The following ABCA9 variants were observed in gnomAD, a reference collection of about 807,000 sequenced individuals.
ABCA9 encodes ATP binding cassette subfamily A member 9.
A neutral mutation model predicts 205.3 loss-of-function variants in ABCA9; 183 were observed. The observed-to-expected ratio is 0.89, with a 90% confidence interval of 0.79 to 1.01. The LOEUF is 1.01. Among genes scored for constraint, ABCA9 ranks in the 50% least tolerant of loss-of-function variants. The probability of loss-of-function intolerance (pLI) is 0.00; values close to 1 mark genes in which losing one functional copy is unlikely to be tolerated. For synonymous variants in ABCA9, 651 were observed against 683.3 expected, an observed-to-expected ratio of 0.95 and a Z score of 0.74; for missense variants, 1,805 against 1,912.4, an observed-to-expected ratio of 0.94 and a Z score of 1.05.
the ABCA9 span, among the ~76,000 whole-genome samples, chr17:69,077,952 T>A: frequency 6.6e-6 from 1 of 152,166 alleles, no homozygotes; most frequent in Admixed American, 6.5e-5. Flanking sequence ...CATACACTTA[T>A]ATAAGGGAGA....
At chr17:69,041,856 T>A (rs746914416) in intron 6 of ABCA9, among the ~76,000 whole-genome samples, 6 of 152,154 alleles carry the variant, frequency 3.9e-5, no homozygotes, top group Non-Finnish European at 8.8e-5. Flanking sequence ...AAGTAATTCA[T>A]CTTCTCCACT....
chr17:68,976,180 A>T lies in ABCA9; in HGVS notation c.4731T>A (p.Ser1577Arg). Residue 1577 changes from serine to arginine, a missense_variant, in exon 38 of 39, where the codon AGT (serine) becomes AGA (arginine). By Grantham distance (110) the Ser-to-Arg change is moderately radical. Transcript: ENST00000340001. ...AFFKLEIVKQ[S>R]FDLEEYSLSQ... ...AGAGGCTGTACTCCTCCAGGTCGAA[A>T]CTCTGTTTAACTGCATAAGAATGAG... The T allele has an allele frequency of 6.2e-7, 1 of 1,613,872 alleles. No individual in the cohort carries two copies.
intron 31 of ABCA9, 85 bp downstream of exon 31, chr17:68,988,942 T>TA (rs1479452002): frequency 2.5e-6 from 2 of 802,088 alleles, no homozygotes; most frequent in Non-Finnish European, 4.2e-6. Flanking sequence ...ACTAAGTGAT[T>TA]ATGGATCAAC....
chr17:69,020,777 A>G, intron 18 of ABCA9, 191 bp from the exon 19 acceptor site: 1 of 511,164 alleles, frequency 2.0e-6, no homozygotes, highest in South Asian at 3.2e-5. Context: ...TGATATAATA[A>G]AAGAAAATCT....
the ABCA9 span, among the ~76,000 whole-genome samples, chr17:69,069,394 C>T: frequency 6.6e-6 from 1 of 152,250 alleles, no homozygotes; most frequent in East Asian, 1.9e-4. Flanking sequence ...GGGGAAGAAA[C>T]AGGTGAGTGT....
chr17:69,067,738 A>G, the ABCA9 span, among the ~76,000 whole-genome samples: 2 of 152,236 alleles, frequency 1.3e-5, no homozygotes, highest in African/African-American at 4.8e-5. Context: ...CTAACTAGTA[A>G]GCCTGGGCTC....
At chr17:69,051,279 A>G in intron 1 of ABCA9, 140 bp from the exon 2 acceptor site, 1 of 654,746 alleles carries the variant, frequency 1.5e-6, no homozygotes, top group Non-Finnish European at 2.5e-6. Flanking sequence ...AGGCTAAAAT[A>G]AAAACATGTG....
chr17:69,042,399 G>C (rs2071574864), intron 6 of ABCA9: 1 of 152,214 alleles, frequency 6.6e-6, no homozygotes, highest in Non-Finnish European at 1.5e-5. Context: ...ACTGAATGCT[G>C]AGATGGAGAC....
intron 7 of ABCA9, 51 bp from the exon 8 acceptor site, chr17:69,035,482 G>A: frequency 1.4e-6 from 2 of 1,442,278 alleles, no homozygotes; most frequent in Non-Finnish European, 1.8e-6. Context: ...GAGAACAGTA[G>A]CACAAAAAAG....
chr17:68,974,710 A>AAATT lies in ABCA9; in HGVS notation c.*1201_*1204dup, dbSNP rs1422841400. 2 of 152,190 alleles carry AAATT rather than the reference A, an allele frequency of 1.3e-5. No homozygotes were observed. The highest frequency in any genetic ancestry group is 4.8e-5 in the African/African-American group (2 of 41,444). 9.4% of individuals were successfully genotyped at this position (152,190 alleles called of 1,614,324 possible). On this transcript the variant is annotated 3_prime_UTR_variant, in exon 39 of 39. Transcript: ENST00000340001. The stretch of plus-strand genomic sequence containing the variant: ...TCATAATAATATATAGAGATATGGG[A>AAATT]AATTAAGACCTATGAAGTTTTAATT...
the ABCA9 span, among the ~76,000 whole-genome samples, chr17:69,069,503 T>C: frequency 6.6e-6 from 1 of 151,998 alleles, no homozygotes; most frequent in Non-Finnish European, 1.5e-5. Flanking sequence ...TTTCCTTCTA[T>C]CCTCAATCTG....
intron 9 of ABCA9, 53 bp from the exon 10 acceptor site, chr17:69,032,329 C>T: frequency 1.3e-6 from 2 of 1,542,372 alleles, no homozygotes; most frequent in South Asian, 2.4e-5. Context: ...TTCAAGGATT[C>T]CATCAGCATA....
intron 37 of ABCA9, 146 bp from the exon 38 acceptor site, chr17:68,976,336 G>A (rs2068892310): frequency 1.8e-5 from 12 of 678,680 alleles, no homozygotes; most frequent in East Asian, 2.7e-5. Context: ...GAAAGCAAAC[G>A]CGATATAGTC....
chr17:69,020,328 C>T (rs890163973), intron 19 of ABCA9, 60 bp downstream of exon 19: 3 of 1,452,392 alleles, frequency 2.1e-6, no homozygotes, highest in South Asian at 2.6e-5. Context: ...TTATGTTTTG[C>T]TCTCTTAAAT....
rs761704200 is a variant in ABCA9 at position 69,035,441 on chromosome 17, G to A, written c.943-10C>T. 5 of 1,558,048 alleles carry A rather than the reference G, an allele frequency of 3.2e-6. No homozygotes were observed. The Admixed American group carries it at 8.1e-5, about 25-fold the overall frequency. On this transcript the variant is annotated splice_polypyrimidine_tract_variant and intron_variant, in intron 7 of 38. Coordinates refer to ENST00000340001, the MANE Select transcript of ABCA9 (RefSeq NM_080283.4). ...GGAAAGCTAAAGTTATCTGAGAAAA[G>A]AGAAAGACTTCAGCTGGTATATAAT...
upstream of ABCA9, among the ~76,000 whole-genome samples, chr17:69,065,351 A>T (rs2072336224): frequency 6.6e-6 from 1 of 152,230 alleles, no homozygotes; most frequent in Non-Finnish European, 1.5e-5. Context: ...GCCATCTTGA[A>T]ATGGGAAAGC....
At position 69,035,410 on chromosome 17, in the gene ABCA9, T is replaced by A. The variant is rs201325961; in HGVS notation, c.964A>T (p.Ser322Cys). The change falls in exon 8 of 39, where the codon AGT becomes TGT. Residue 322 changes from serine to cysteine, a missense_variant. By Grantham distance (112) the Ser-to-Cys change is moderately radical. Transcript: ENST00000340001. ...LSLITLAFLM[S>C]VLIKKPFLTG... ...AGGAAAGGTTTCTTTATCAACACAC[T>A]CATCAGGAAAGCTAAAGTTATCTGA... The A allele has an allele frequency of 6.3e-7, 1 of 1,589,224 alleles. No homozygotes were observed. Among genetic ancestry groups the A allele is most frequent in the South Asian group, 1.2e-5 (1 of 85,594 alleles).
intron 1 of ABCA9, among the ~76,000 whole-genome samples, chr17:69,053,279 A>G (rs1454304595): frequency 6.6e-6 from 1 of 152,160 alleles, no homozygotes; most frequent in Non-Finnish European, 1.5e-5. Context: ...TATCTCATTA[A>G]CACGAAGATA....
chr17:69,071,275 G>A, the ABCA9 span, among the ~76,000 whole-genome samples: 29 of 152,324 alleles, frequency 1.9e-4, no homozygotes, highest in African/African-American at 6.0e-4. Flanking sequence ...GTGAGTCCCT[G>A]ACCCCTGTGC....
Sources: allele counts gnomAD v4.1 joint callset (sites outside exome capture counted in the v4.1 genomes callset), GRCh38; gene constraint gnomAD v4.1.1; transcripts MANE v1.5; gene names NCBI Gene and HGNC (gene_info 2026-07-23, HGNC 2026-07-21).